Variants in APOOL observed in about 807,000 individuals in gnomAD.
APOOL encodes the protein apolipoprotein O like.
A neutral mutation model predicts 23.1 loss-of-function variants in APOOL; 12 were observed. The ratio of observed to expected loss-of-function variants is 0.52; its 90% CI spans 0.33 to 0.84. The LOEUF (loss-of-function observed/expected upper bound fraction) is 0.84, where lower values mean the gene tolerates loss of function less well. Ranked by LOEUF, APOOL falls within the 40% of genes least tolerant of loss-of-function variation. The pLI, the probability that APOOL is intolerant of heterozygous loss-of-function variation, is 0.02. For missense variants in APOOL, 212 were observed against 199.6 expected, an observed-to-expected ratio of 1.06 and a Z score of -0.37; for synonymous variants, 77 against 69.9, an observed-to-expected ratio of 1.10 and a Z score of -0.51.
intron 1 of APOOL, among the ~76,000 whole-genome samples, chrX:85,029,975 T>A (rs1398054489): frequency 8.9e-6 from 1 of 111,845 alleles, no homozygotes; most frequent in South Asian, 3.7e-4. Context: ...TAAAAGTATG[T>A]CTACCACTTG....
intron 5 of APOOL, among the ~76,000 whole-genome samples, chrX:85,063,635 T>C (rs1345326866): frequency 9.0e-6 from 1 of 111,524 alleles, no homozygotes; most frequent in Non-Finnish European, 1.9e-5. Context: ...GTGGTTTTTG[T>C]CTTTAGTTCT....
At chrX:85,064,548 T>C (rs774848388) in intron 5 of APOOL, among the ~76,000 whole-genome samples, 1 of 110,931 alleles carries the variant, frequency 9.0e-6, no homozygotes, top group African/African-American at 3.3e-5. Context: ...AACGCCACTT[T>C]AGCTGTGTCG....
intron 8 of APOOL, among the ~76,000 whole-genome samples, chrX:85,085,745 A>C (rs1401498604): frequency 4.4e-4 from 50 of 112,564 alleles, no homozygotes; most frequent in Non-Finnish European, 1.1e-4. Flanking sequence ...CAAAGTAAAT[A>C]TAAAATAGTT....
chrX:85,009,226 A>G (rs1489729412), intron 1 of APOOL, among the ~76,000 whole-genome samples: 1 of 111,485 alleles, frequency 9.0e-6, no homozygotes, highest in African/African-American at 3.3e-5. Flanking sequence ...TTCTTTTCCA[A>G]TTTGTATGTC....
chrX:85,082,612 T>G (rs1341789418), intron 8 of APOOL, among the ~76,000 whole-genome samples: 2 of 111,551 alleles, frequency 1.8e-5, no homozygotes, highest in Non-Finnish European at 3.8e-5. Context: ...GAAAATGACA[T>G]GAAATTCAGA....
intron 1 of APOOL, among the ~76,000 whole-genome samples, chrX:85,030,454 C>T (rs1922000313): frequency 9.0e-6 from 1 of 111,014 alleles, no homozygotes; most frequent in Non-Finnish European, 1.9e-5. Flanking sequence ...ATTTCTACTA[C>T]ATAATTCATC....
intron 6 of APOOL, among the ~76,000 whole-genome samples, 158 bp downstream of exon 6, chrX:85,067,376 G>A (rs1273725735): frequency 9.0e-6 from 1 of 111,025 alleles, no homozygotes; most frequent in African/African-American, 3.3e-5. Flanking sequence ...TCTCAGTATG[G>A]TAAATGCCAT....
rs930413727 is a variant in APOOL, at chrX:85,047,919, G to A, written c.120+1369G>A. ...TTAATGGTGTCATAAGTATTCTGCTGTATGAATGTACTACCATCAAATAAA... is the reference window on the plus strand; with the variant it reads ...TTAATGGTGTCATAAGTATTCTGCTATATGAATGTACTACCATCAAATAAA... On this transcript the variant is annotated intron_variant, in intron 2 of 8. Coordinates refer to ENST00000373173, the MANE Select transcript of APOOL (RefSeq NM_198450.6). Among the ~76,000 whole-genome samples the A allele has an allele frequency of 8.1e-5, 9 of 111,647 alleles. No homozygotes were observed. In the Admixed American group the frequency reaches 8.6e-4, roughly 11 times the overall value.
rs957854747 is a variant in APOOL at position 85,093,261 on chromosome X, T to C, written c.*5583T>C. ...GACAATGCAAAGTGAAAACTGCAAA[T>C]TTCACTTAACTTGTTATTTGCTTTA... On this transcript the variant is annotated 3_prime_UTR_variant, in exon 9 of 9. Transcript: ENST00000373173. 2 of 1,130,166 alleles carry C rather than the reference T, an allele frequency of 1.8e-6. No homozygotes were observed. Among genetic ancestry groups the C allele is most frequent in the Non-Finnish European group, 2.4e-6 (2 of 845,093 alleles). 93.1% of individuals were successfully genotyped at this position (1,130,166 alleles called of 1,213,427 possible).
chrX:85,029,361 T>G (rs2147481805), intron 1 of APOOL, among the ~76,000 whole-genome samples: 1 of 111,947 alleles, frequency 8.9e-6, no homozygotes, highest in South Asian at 3.7e-4. Context: ...TTTCCCAGGG[T>G]TTTTATACTG....
intron 1 of APOOL, among the ~76,000 whole-genome samples, chrX:85,041,241 A>G (rs1316756891): frequency 9.0e-6 from 1 of 111,487 alleles, no homozygotes; most frequent in African/African-American, 3.3e-5. Flanking sequence ...CCTGCATGGA[A>G]AATAATCTGG....
chrX:85,057,201 G>A (rs897323818), intron 5 of APOOL, among the ~76,000 whole-genome samples: 1 of 110,535 alleles, frequency 9.0e-6, no homozygotes, highest in East Asian at 2.9e-4. Context: ...ATTTCTCCAA[G>A]CCCTTACTAA....
At chrX:85,025,838 G>A (rs1260097490) in intron 1 of APOOL, among the ~76,000 whole-genome samples, 1 of 112,703 alleles carries the variant, frequency 8.9e-6, no homozygotes, top group Admixed American at 9.4e-5. Flanking sequence ...TGACTGTAGC[G>A]TTTCTAGGTG....
chrX:85,084,380 C>T (rs112439401), intron 8 of APOOL, among the ~76,000 whole-genome samples: 3,023 of 109,817 alleles, frequency 0.028, 44 homozygotes, highest in Non-Finnish European at 0.045. Flanking sequence ...TGTGATCCTC[C>T]CACCTCGGCC....
In APOOL at chrX:85,090,641, C is replaced by T. The variant is rs897697470; in HGVS notation, c.*2963C>T. 9.0e-6 allele frequency: 1 copy of T among 111,243 alleles called. No individual in the cohort carries two copies. Among genetic ancestry groups the T allele is most frequent in the Non-Finnish European group, 1.9e-5 (1 of 53,054 alleles). 9.2% of individuals were successfully genotyped at this position (111,243 alleles called of 1,213,427 possible). ...GTATTATATTGTCTTTATGACATAC[C>T]ATTTGTTTCTTGAACATGCTTTGCT... On this transcript the variant is annotated 3_prime_UTR_variant, in exon 9 of 9. Transcript: ENST00000373173.
At chrX:85,013,111 G>A (rs997803979) in intron 1 of APOOL, among the ~76,000 whole-genome samples, 13 of 111,840 alleles carry the variant, frequency 1.2e-4, no homozygotes, top group Non-Finnish European at 2.3e-4. Context: ...AGGTTTTCTA[G>A]TTTGTGTGCA....
intron 1 of APOOL, among the ~76,000 whole-genome samples, chrX:85,022,413 A>T (rs1471759647): frequency 8.9e-6 from 1 of 111,992 alleles, no homozygotes; most frequent in African/African-American, 3.2e-5. Flanking sequence ...TATCCAAGGG[A>T]TGGAAGGATG....
chrX:85,066,434 G>C (rs1488598322), intron 5 of APOOL, among the ~76,000 whole-genome samples: 2 of 111,163 alleles, frequency 1.8e-5, no homozygotes, highest in African/African-American at 6.5e-5. Flanking sequence ...AGTTAGAGCA[G>C]CATCAAGTTT....
At chrX:85,015,602 C>A (rs1039064436) in intron 1 of APOOL, among the ~76,000 whole-genome samples, 1 of 107,253 alleles carries the variant, frequency 9.3e-6, no homozygotes, top group African/African-American at 3.4e-5. Flanking sequence ...GGATTTCACT[C>A]TTGTGGCCCA....
Sources: allele counts gnomAD v4.1 joint callset (sites outside exome capture counted in the v4.1 genomes callset), GRCh38; gene constraint gnomAD v4.1.1; transcripts MANE v1.5; gene names NCBI Gene and HGNC (gene_info 2026-07-23, HGNC 2026-07-21).